Variants in MGAM2 observed in about 807,000 individuals in gnomAD.
MGAM2 encodes maltase-glucoamylase 2 (putative).
MGAM2 carries 98 observed loss-of-function variants against 96.1 expected under a neutral mutation model. That is an observed-to-expected ratio of 1.02 (90% CI 0.87 to 1.21). The LOEUF (loss-of-function observed/expected upper bound fraction) is 1.21, where lower values mean the gene tolerates loss of function less well. MGAM2 is among the 50% of genes most tolerant of loss of function. The pLI, the probability that MGAM2 is intolerant of heterozygous loss-of-function variation, is 0.00. For missense variants in MGAM2, 2,055 were observed against 1,182.4 expected, an observed-to-expected ratio of 1.74 and a Z score of -10.82; for synonymous variants, 749 against 414.8, an observed-to-expected ratio of 1.81 and a Z score of -9.79.
intron 46 of MGAM2, among the ~76,000 whole-genome samples, chr7:142,213,336 G>GGA (rs1419123249): frequency 2.0e-5 from 3 of 152,058 alleles, no homozygotes; most frequent in Non-Finnish European, 2.9e-5. Flanking sequence ...CAGAACTGAA[G>GGA]GAGAGAGAGA....
chr7:142,154,304 T>C (rs940051102), intron 16 of MGAM2, 115 bp downstream of exon 16: 6 of 491,010 alleles, frequency 1.2e-5, no homozygotes, highest in African/African-American at 1.1e-4. Flanking sequence ...GTGATATGTA[T>C]TGGAAAGATC....
At chr7:142,187,314 G>C (rs1470298790) in intron 35 of MGAM2, among the ~76,000 whole-genome samples, 1 of 152,214 alleles carries the variant, frequency 6.6e-6, no homozygotes, top group Non-Finnish European at 1.5e-5. Context: ...AATAGAGGAA[G>C]ATAATAGTAA....
chr7:142,150,674 G>C (rs1455767291), intron 15 of MGAM2, among the ~76,000 whole-genome samples: 1 of 152,128 alleles, frequency 6.6e-6, no homozygotes, highest in East Asian at 1.9e-4. Flanking sequence ...AATCTAGAAA[G>C]CACTGCTGTA....
Position 142,175,717 on chromosome 7 carries a change from T to TA in MGAM2, c.3753_3754insA (p.Gln1252ThrfsTer8). 1 of 702,878 alleles carries TA rather than the reference T, an allele frequency of 1.4e-6. No homozygotes were observed. The highest frequency in any genetic ancestry group is 2.6e-6 in the Non-Finnish European group (1 of 384,974). 43.5% of individuals were successfully genotyped at this position (702,878 alleles called of 1,614,324 possible). On this transcript the variant is annotated frameshift_variant, in exon 32 of 48. Coordinates refer to ENST00000477922, the MANE Select transcript of MGAM2 (RefSeq NM_001293626.2). LOFTEE classifies it high-confidence loss of function. ...TGGATTTCACCCTCAGTGCCAACTT[T>TA]CAAAACCTCAGTCTTCTGATTGAGC... is the stretch of plus-strand genomic sequence containing the variant.
At chr7:142,115,995 G>A (rs1410249183) in intron 1 of MGAM2, among the ~76,000 whole-genome samples, 3 of 152,194 alleles carry the variant, frequency 2.0e-5, no homozygotes, top group Non-Finnish European at 4.4e-5. Context: ...TGAGGATGAT[G>A]GAGATGGAAT....
chr7:142,199,993 C>T (rs1248643916), intron 45 of MGAM2, 25 bp downstream of exon 45: 3 of 618,714 alleles, frequency 4.8e-6, no homozygotes, highest in Non-Finnish European at 8.7e-6. Context: ...TCCAGGGTCC[C>T]TGTACATCAC....
rs376365919 is a variant in MGAM2, at chr7:142,149,503, C to A, written c.1634+1930C>A. ...GAGATGTTTACCTAATTTTTAGACA[C>A]AAATATCCAAAACAATCTTCTGACG... On this transcript the variant is annotated intron_variant, in intron 15 of 47. Transcript: ENST00000477922. Among the ~76,000 whole-genome samples the A allele has an allele frequency of 2.6e-5, 4 of 152,180 alleles. No homozygotes were observed. In the South Asian group the frequency reaches 8.3e-4, roughly 32 times the overall value.
intron 26 of MGAM2, among the ~76,000 whole-genome samples, chr7:142,168,672 T>C (rs1339272146): frequency 6.6e-6 from 1 of 152,206 alleles, no homozygotes; most frequent in Non-Finnish European, 1.5e-5. Context: ...AAAATACGTC[T>C]ACTGGAAACA....
At chr7:142,168,435 A>T (rs1290187323) in intron 26 of MGAM2, among the ~76,000 whole-genome samples, 1 of 151,994 alleles carries the variant, frequency 6.6e-6, no homozygotes, top group Non-Finnish European at 1.5e-5. Context: ...ACGCCCAGCT[A>T]ATTTTTTGTA....
At position 142,143,771 on chromosome 7, in the gene MGAM2, A is replaced by T; in HGVS notation, c.1320A>T (p.Gly440=). The change falls in exon 13 of 48, where the codon GGA becomes GGT. Residue 440 remains glycine (G), a splice_region_variant and synonymous_variant. Coordinates refer to ENST00000477922, the MANE Select transcript of MGAM2 (RefSeq NM_001293626.2). The part of the protein sequence containing the change: ...LGSNGFAVGE[G]YPGPTVFPDY... ...CACTGCCTTCCTCTGTGTCCTAGGG[A>T]TATCCGGGACCGACAGTCTTTCCCG... 1 of 672,606 alleles carries T rather than the reference A, an allele frequency of 1.5e-6. No individual in the cohort carries two copies. The highest frequency in any genetic ancestry group is 2.1e-5 in the Admixed American group (1 of 48,728). The allele number at this position is 672,606 out of a possible 1,614,324, so 41.7% of individuals were successfully genotyped here. A position where few individuals can be genotyped will look rare whatever the true frequency, so the allele number is the denominator to read the frequency against.
chr7:142,132,058 T>C lies in MGAM2; in HGVS notation c.548T>C (p.Ile183Thr), dbSNP rs1449843092. ...ACTGATAAACCTTTCAGCATCAAAA[T>C]AATGAGGACAAGCAACAGAAGAGTC... ...EVTDKPFSIK[I>T]MRTSNRRVLL... The change falls in exon 6 of 48, where the codon ATA (isoleucine) becomes ACA (threonine). Residue 183 changes from isoleucine (I) to threonine (T), a missense_variant. Transcript: ENST00000477922. 4.3e-6 allele frequency: 3 copies of C among 702,908 alleles called. No homozygotes were observed. The African/African-American group carries it at 5.2e-5, about 12-fold the overall frequency. The allele number at this position is 702,908 out of a possible 1,614,324, so 43.5% of individuals were successfully genotyped here. A position where few individuals can be genotyped will look rare whatever the true frequency, so the allele number is the denominator to read the frequency against.
At chr7:142,188,124 A>ACACACG (rs1796759791) in intron 36 of MGAM2, among the ~76,000 whole-genome samples, 1 of 151,646 alleles carries the variant, frequency 6.6e-6, no homozygotes, top group South Asian at 2.1e-4. Context: ...ACACACACAC[A>ACACACG]CACACACACA....
intron 3 of MGAM2, among the ~76,000 whole-genome samples, chr7:142,125,274 A>G (rs1003846459): frequency 4.6e-5 from 7 of 152,212 alleles, no homozygotes; most frequent in African/African-American, 1.2e-4. Context: ...CAGAGACTCT[A>G]TTGAAGAAAT....
At chr7:142,211,762 C>T (rs1009061624) in intron 46 of MGAM2, among the ~76,000 whole-genome samples, 1 of 152,164 alleles carries the variant, frequency 6.6e-6, no homozygotes, top group Non-Finnish European at 1.5e-5. Flanking sequence ...AGTTGTAAAG[C>T]ACACTTCAAG....
intron 1 of MGAM2, among the ~76,000 whole-genome samples, chr7:142,113,293 A>G (rs1817235970): frequency 6.6e-6 from 1 of 152,128 alleles, no homozygotes; most frequent in African/African-American, 2.4e-5. Context: ...TGGGGAGAGG[A>G]GACGCTGAGC....
In MGAM2 at chr7:142,147,574, G is replaced by A; in HGVS notation, c.1634+1G>A. ...ACTCCATGGCAAGAACCACAAACTT[G>A]TAAGGACTTGGTTTTCACCCTAATT... On this transcript the variant is annotated splice_donor_variant, in intron 15 of 47. Transcript: ENST00000477922. LOFTEE classifies it high-confidence loss of function. 1 of 701,780 alleles carries A rather than the reference G, an allele frequency of 1.4e-6. No individual in the cohort carries two copies. The highest frequency in any genetic ancestry group is 2.6e-6 in the Non-Finnish European group (1 of 384,610). The allele number at this position is 701,780 out of a possible 1,614,324, so 43.5% of individuals were successfully genotyped here. A position where few individuals can be genotyped will look rare whatever the true frequency, so the allele number is the denominator to read the frequency against.
rs890068125 is a variant in MGAM2 at position 142,154,159 on chromosome 7, C to A, written c.1776C>A (p.Ile592=). 9 of 652,562 alleles carry A rather than the reference C, an allele frequency of 1.4e-5. No homozygotes were observed. Among genetic ancestry groups the A allele is most frequent in the Non-Finnish European group, 2.6e-5 (9 of 349,190 alleles). The allele number at this position is 652,562 out of a possible 1,614,324, so 40.4% of individuals were successfully genotyped here. A position where few individuals can be genotyped will look rare whatever the true frequency, so the allele number is the denominator to read the frequency against. The change falls in exon 16 of 48, where the codon ATC becomes ATA. Residue 592 remains isoleucine, a synonymous_variant. Coordinates refer to ENST00000477922, the MANE Select transcript of MGAM2 (RefSeq NM_001293626.2). ...ACCTCCGATGGTCTATCCCCACTAT[C>A]CTTGAGTTCAACCTGTTTGGCATCC... ...WDDLRWSIPT[I]LEFNLFGIPM...
In MGAM2 at chr7:142,170,089, T is replaced by C. The variant is rs1479637664; in HGVS notation, c.3042T>C (p.Thr1014=). ...CTTCTTGCCAGATCTATGACCCCAC[T>C]AATAAAAGGTATGAGGTTCCAGTAC... ...TMLQVKIYDP[T]NKRYEVPVPL... The change falls in exon 27 of 48, where the codon ACT becomes ACC. Residue 1014 remains threonine, a synonymous_variant. Coordinates refer to ENST00000477922, the MANE Select transcript of MGAM2 (RefSeq NM_001293626.2). 2 of 701,590 alleles carry C rather than the reference T, an allele frequency of 2.9e-6. No individual in the cohort carries two copies. The highest frequency in any genetic ancestry group is 5.2e-6 in the Non-Finnish European group (2 of 384,656). 43.5% of individuals were successfully genotyped at this position (701,590 alleles called of 1,614,324 possible).
At chr7:142,207,124 C>T (rs1392449314) in intron 45 of MGAM2, among the ~76,000 whole-genome samples, 1 of 152,090 alleles carries the variant, frequency 6.6e-6, no homozygotes. Context: ...GGGCCAAGAA[C>T]AGAACATGAA....
Sources: allele counts gnomAD v4.1 joint callset (sites outside exome capture counted in the v4.1 genomes callset), GRCh38; gene constraint gnomAD v4.1.1; transcripts MANE v1.5; gene names NCBI Gene and HGNC (gene_info 2026-07-23, HGNC 2026-07-21).